ZFPM2: variants seen among roughly 807,000 people sequenced by gnomAD.
ZFPM2 encodes zinc finger protein, FOG family member 2.
ZFPM2 carries 20 observed loss-of-function variants against 98.6 expected under a neutral mutation model. That is an observed-to-expected ratio of 0.20 (90% confidence interval 0.14 to 0.29). The LOEUF (loss-of-function observed/expected upper bound fraction) is 0.29, where lower values mean the gene tolerates loss of function less well. Ranked by LOEUF, ZFPM2 falls within the 10% of genes least tolerant of loss-of-function variation. The pLI is 1.00. For missense variants in ZFPM2, 1,310 were observed against 1,388.6 expected, an observed-to-expected ratio of 0.94 and a Z score of 0.90; for synonymous variants, 518 against 502.7, an observed-to-expected ratio of 1.03 and a Z score of -0.41.
intron 3 of ZFPM2, among the ~76,000 whole-genome samples, chr8:105,538,676 G>C (rs1165261233): frequency 6.7e-6 from 1 of 150,326 alleles, no homozygotes; most frequent in East Asian, 2.0e-4. Flanking sequence ...TTATTTTCTT[G>C]ATCTGTTTAA....
intron 2 of ZFPM2, among the ~76,000 whole-genome samples, chr8:105,425,256 G>A (rs1245312439): frequency 6.6e-6 from 1 of 152,108 alleles, no homozygotes; most frequent in African/African-American, 2.4e-5. Flanking sequence ...ACATGGCCAC[G>A]ACATAGTTTG....
intron 5 of ZFPM2, among the ~76,000 whole-genome samples, chr8:105,648,594 A>G (rs1181406272): frequency 6.6e-6 from 1 of 152,182 alleles, no homozygotes; most frequent in African/African-American, 2.4e-5. Context: ...CTTTCCACAT[A>G]TGGCTAGCCA....
intron 6 of ZFPM2, among the ~76,000 whole-genome samples, chr8:105,794,593 C>G (rs1184436975): frequency 1.3e-5 from 2 of 152,192 alleles, no homozygotes; most frequent in Non-Finnish European, 2.9e-5. Context: ...GCTGGGAGAA[C>G]CACTGCTCTC....
At chr8:105,481,583 C>T (rs141255134) in intron 3 of ZFPM2, among the ~76,000 whole-genome samples, 1 of 152,076 alleles carries the variant, frequency 6.6e-6, no homozygotes, top group Non-Finnish European at 1.5e-5. Flanking sequence ...TATTCAAATA[C>T]TGTCATAGTG....
At chr8:105,768,873 C>T (rs1812918613) in intron 5 of ZFPM2, among the ~76,000 whole-genome samples, 1 of 151,344 alleles carries the variant, frequency 6.6e-6, no homozygotes, top group South Asian at 2.1e-4. Flanking sequence ...ACTATATAAC[C>T]TTTGGCACAT....
chr8:105,443,089 A>G (rs1413998155), intron 2 of ZFPM2, among the ~76,000 whole-genome samples: 1 of 151,990 alleles, frequency 6.6e-6, no homozygotes, highest in Non-Finnish European at 1.5e-5. Context: ...CAGGTGGATC[A>G]CTCGAGGTCA....
intron 6 of ZFPM2, among the ~76,000 whole-genome samples, chr8:105,795,462 A>C (rs892756177): frequency 6.6e-6 from 1 of 152,108 alleles, no homozygotes. Context: ...CTATAGTAGA[A>C]AAAATGTGGT....
chr8:105,390,999 A>G (rs1811095712), intron 1 of ZFPM2, among the ~76,000 whole-genome samples: 2 of 152,214 alleles, frequency 1.3e-5, no homozygotes, highest in Non-Finnish European at 2.9e-5. Context: ...AATCTTCAGA[A>G]TTATATACTG....
Position 105,469,177 on chromosome 8 carries a change from A to G in ZFPM2, c.301+24796A>G, listed in dbSNP as rs557773591. Among the ~76,000 whole-genome samples, 4 of 152,270 alleles carry G rather than the reference A, an allele frequency of 2.6e-5. No individual in the cohort carries two copies. In the East Asian group the frequency reaches 7.7e-4, roughly 29 times the overall value. On this transcript the variant is annotated intron_variant, in intron 3 of 7. Coordinates refer to ENST00000407775, the MANE Select transcript of ZFPM2 (RefSeq NM_012082.4). ...CCTATTATCTTTGCCCACTTATATA[A>G]TAAGTTTTGCCAACTTCAAGGTGAA...
rs77097430 is a variant in ZFPM2 at position 105,763,393 on chromosome 8, A to G, written c.533-25325A>G. Reference sequence around the variant, plus strand: ...AGACCAGGGCCAAGAACAGAGTAGCAAACGAAATGTGTTTTCTAGGGCCAA... The same window carrying G: ...AGACCAGGGCCAAGAACAGAGTAGCGAACGAAATGTGTTTTCTAGGGCCAA... On this transcript the variant is annotated intron_variant, in intron 5 of 7. Transcript: ENST00000407775. Among the ~76,000 whole-genome samples the G allele has an allele frequency of 2.7e-3, 404 of 151,944 alleles. 1 individual carries two copies. The highest frequency in any genetic ancestry group is 8.4e-3 in the African/African-American group (349 of 41,522).
intron 5 of ZFPM2, among the ~76,000 whole-genome samples, chr8:105,690,469 A>G (rs1214950125): frequency 2.0e-5 from 3 of 152,182 alleles, no homozygotes; most frequent in Non-Finnish European, 4.4e-5. Flanking sequence ...GACACCGGAC[A>G]GGAACCACAA....
intron 1 of ZFPM2, among the ~76,000 whole-genome samples, chr8:105,380,965 C>T (rs1400536833): frequency 6.1e-5 from 7 of 115,334 alleles, no homozygotes; most frequent in African/African-American, 6.4e-5. Flanking sequence ...CTGGGATACA[C>T]GTGGAGAACT....
chr8:105,662,869 G>A (rs1323565830), intron 5 of ZFPM2: 1 of 152,026 alleles, frequency 6.6e-6, no homozygotes, highest in Non-Finnish European at 1.5e-5. Flanking sequence ...CTAGTTTTTG[G>A]TGTGCCTGTG....
chr8:105,682,100 G>A (rs1437008884), intron 5 of ZFPM2, among the ~76,000 whole-genome samples: 2 of 152,164 alleles, frequency 1.3e-5, no homozygotes, highest in Non-Finnish European at 2.9e-5. Context: ...GAAATTATAA[G>A]GGAATAATTA....
chr8:105,366,123 TGC>T (rs1810503077), intron 1 of ZFPM2, among the ~76,000 whole-genome samples: 1 of 152,184 alleles, frequency 6.6e-6, no homozygotes, highest in African/African-American at 2.4e-5. Flanking sequence ...TGAGTGTTCA[TGC>T]TAATTCCGAA....
chr8:105,449,754 A>T (rs758673083), intron 3 of ZFPM2, among the ~76,000 whole-genome samples: 1 of 152,050 alleles, frequency 6.6e-6, no homozygotes, highest in Non-Finnish European at 1.5e-5. Flanking sequence ...AATAGGGCTA[A>T]TAATAATAAC....
chr8:105,443,681 T>C (rs1812311840), intron 2 of ZFPM2, among the ~76,000 whole-genome samples: 1 of 152,206 alleles, frequency 6.6e-6, no homozygotes, highest in Admixed American at 6.5e-5. Context: ...AAACTAGCTG[T>C]ATTTATTCAA....
At chr8:105,600,164 T>C (rs1816061951) in intron 4 of ZFPM2, among the ~76,000 whole-genome samples, 1 of 152,128 alleles carries the variant, frequency 6.6e-6, no homozygotes, top group Admixed American at 6.6e-5. Context: ...TTCCTGTTGA[T>C]TTTAGTCTAC....
intron 6 of ZFPM2, chr8:105,798,397 T>C (rs1233588696): frequency 1.1e-5 from 2 of 176,630 alleles, no homozygotes; most frequent in East Asian, 2.9e-4. Flanking sequence ...TTGCAGTGAG[T>C]TGAGATCGCA....
Sources: allele counts gnomAD v4.1 joint callset (sites outside exome capture counted in the v4.1 genomes callset), GRCh38; gene constraint gnomAD v4.1.1; transcripts MANE v1.5; gene names NCBI Gene and HGNC (gene_info 2026-07-23, HGNC 2026-07-21).